The following KDM4C variants were observed in gnomAD, a reference collection of about 807,000 sequenced individuals.
The protein encoded by KDM4C is lysine demethylase 4C.
Under a neutral mutation model 129.3 loss-of-function variants are expected in KDM4C, and 81 were observed. That is an observed-to-expected ratio of 0.63 (90% CI 0.52 to 0.75). The LOEUF (loss-of-function observed/expected upper bound fraction) is 0.75. Among genes scored for constraint, KDM4C ranks in the 30% least tolerant of loss-of-function variants. The pLI, the probability that KDM4C is intolerant of heterozygous loss-of-function variation, is 0.00. For synonymous variants in KDM4C, 573 were observed against 456.1 expected, an observed-to-expected ratio of 1.26 and a Z score of -3.26; for missense variants, 1,457 against 1,304.0, an observed-to-expected ratio of 1.12 and a Z score of -1.81.
chr9:7,047,114 G>A (rs1829516405), intron 16 of KDM4C, among the ~76,000 whole-genome samples, 197 bp downstream of exon 16: 1 of 151,974 alleles, frequency 6.6e-6, no homozygotes, highest in South Asian at 2.1e-4. Flanking sequence ...AGCAGTCCAA[G>A]TTATGCTTCT....
chr9:6,785,523 G>A (rs990784791), intron 1 of KDM4C, among the ~76,000 whole-genome samples: 1 of 152,076 alleles, frequency 6.6e-6, no homozygotes, highest in African/African-American at 2.4e-5. Flanking sequence ...ATTTTTAGTA[G>A]AGACAGGGTT....
intron 8 of KDM4C, among the ~76,000 whole-genome samples, chr9:6,942,284 TGTGTG>T (rs1200174518): frequency 6.2e-5 from 3 of 48,406 alleles, no homozygotes; most frequent in Admixed American, 5.8e-4. Flanking sequence ...GCCCTCAAAG[TGTGTG>T]TGTGTGTGTG....
At chr9:6,805,200 A>G (rs527650465) in intron 2 of KDM4C, among the ~76,000 whole-genome samples, 3 of 152,304 alleles carry the variant, frequency 2.0e-5, no homozygotes, top group South Asian at 2.1e-4. Flanking sequence ...CGCCCTGCCA[A>G]TTTCATCTAT....
At chr9:6,890,326 T>A (rs1347651418) in intron 7 of KDM4C, among the ~76,000 whole-genome samples, 1 of 152,232 alleles carries the variant, frequency 6.6e-6, no homozygotes, top group Admixed American at 6.5e-5. Context: ...ACGAGAAAGA[T>A]AATCTATAGA....
At chr9:7,094,725 T>G (rs1290335785) in intron 17 of KDM4C, among the ~76,000 whole-genome samples, 1 of 152,246 alleles carries the variant, frequency 6.6e-6, no homozygotes, top group Non-Finnish European at 1.5e-5. Flanking sequence ...CTGCACTGCA[T>G]TGACTTTATA....
intron 15 of KDM4C, among the ~76,000 whole-genome samples, chr9:7,041,595 A>G (rs1024512617): frequency 1.3e-5 from 2 of 151,798 alleles, no homozygotes; most frequent in African/African-American, 4.8e-5. Flanking sequence ...TGTGCTAGAC[A>G]TTTTGTCTAT....
chr9:7,123,095 T>G (rs528825769), intron 18 of KDM4C, among the ~76,000 whole-genome samples: 1 of 152,346 alleles, frequency 6.6e-6, no homozygotes, highest in South Asian at 2.1e-4. Flanking sequence ...TTAATACTCC[T>G]CATGAAATGG....
intron 1 of KDM4C, among the ~76,000 whole-genome samples, chr9:6,745,732 G>A (rs1033233258): frequency 6.6e-6 from 1 of 152,048 alleles, no homozygotes; most frequent in Non-Finnish European, 1.5e-5. Flanking sequence ...TTTGCCTCAC[G>A]GGTTCAAGAG....
Position 6,953,999 on chromosome 9 carries a change from A to C in KDM4C, c.922-26926A>C, listed in dbSNP as rs543589241. Among the ~76,000 whole-genome samples, 14 of 152,346 alleles carry C rather than the reference A, an allele frequency of 9.2e-5. No individual in the cohort carries two copies. The South Asian group carries it at 2.9e-3, about 32-fold the overall frequency. ...TCAGCCTCTCTGAGGTTTCAGAAGT[A>C]GCTGTCGGGGGTCAGCAAACCTTGC... On this transcript the variant is annotated intron_variant, in intron 8 of 21. Coordinates refer to ENST00000381309, the MANE Select transcript of KDM4C (RefSeq NM_015061.6).
At chr9:7,129,928 T>G (rs151046425) in intron 19 of KDM4C, among the ~76,000 whole-genome samples, 1,713 of 152,274 alleles carry the variant, frequency 0.011, 24 homozygotes, top group Non-Finnish European at 0.014. Flanking sequence ...TCACACATAA[T>G]TAAGAAGTTT....
chr9:6,864,788 T>G (rs1441082987), intron 5 of KDM4C, among the ~76,000 whole-genome samples: 3 of 151,710 alleles, frequency 2.0e-5, no homozygotes, highest in African/African-American at 7.2e-5. Context: ...TAGTGGTAAT[T>G]TTCTATATCT....
At chr9:6,857,660 G>A (rs938649691) in intron 5 of KDM4C, among the ~76,000 whole-genome samples, 3 of 151,882 alleles carry the variant, frequency 2.0e-5, no homozygotes, top group African/African-American at 4.8e-5. Flanking sequence ...CAAGTTTAAC[G>A]TTGGTACTTT....
At chr9:6,806,340 C>T (rs1829956112) in intron 3 of KDM4C, among the ~76,000 whole-genome samples, 1 of 151,796 alleles carries the variant, frequency 6.6e-6, no homozygotes, top group Admixed American at 6.6e-5. Context: ...ACTAAAACTA[C>T]AAAATTAACC....
At chr9:6,821,747 G>A (rs535395032) in intron 4 of KDM4C, among the ~76,000 whole-genome samples, 8 of 152,032 alleles carry the variant, frequency 5.3e-5, no homozygotes, top group African/African-American at 1.9e-4. Context: ...CAGTTCTCCT[G>A]CCTTAGCCTC....
chr9:7,039,716 TAAGG>T (rs1343942674), intron 15 of KDM4C, among the ~76,000 whole-genome samples: 10 of 151,900 alleles, frequency 6.6e-5, no homozygotes, highest in African/African-American at 1.7e-4. Flanking sequence ...AAGAAAATCA[TAAGG>T]AAGAGAAAAT....
At chr9:6,804,630 C>T (rs181508982) in intron 2 of KDM4C, among the ~76,000 whole-genome samples, 6 of 151,746 alleles carry the variant, frequency 4.0e-5, no homozygotes, top group Admixed American at 1.3e-4. Flanking sequence ...TGGTGGCAGG[C>T]GCCTGTAATC....
intron 2 of KDM4C, 36 bp downstream of exon 2, chr9:6,793,168 C>G: frequency 6.3e-7 from 1 of 1,591,622 alleles, no homozygotes; most frequent in Non-Finnish European, 8.6e-7. Context: ...GAAAAACAAT[C>G]ACTTGGCCTT....
intron 1 of KDM4C, among the ~76,000 whole-genome samples, chr9:6,731,301 A>G (rs1020923009): frequency 1.3e-5 from 2 of 150,934 alleles, no homozygotes; most frequent in African/African-American, 2.4e-5. Flanking sequence ...CACATTTAAC[A>G]GAAGCAACTA....
chr9:7,103,021 C>T (rs1273355565), intron 17 of KDM4C, among the ~76,000 whole-genome samples: 1 of 152,194 alleles, frequency 6.6e-6, no homozygotes, highest in Non-Finnish European at 1.5e-5. Flanking sequence ...TTCATCTTCT[C>T]TTCCCCAGGC....
Sources: allele counts gnomAD v4.1 joint callset (sites outside exome capture counted in the v4.1 genomes callset), GRCh38; gene constraint gnomAD v4.1.1; transcripts MANE v1.5; gene names NCBI Gene and HGNC (gene_info 2026-07-23, HGNC 2026-07-21).